CCDC30: variants seen among roughly 807,000 people sequenced by gnomAD.
The protein encoded by CCDC30 is coiled-coil domain-containing protein 30.
In CCDC30, 70 loss-of-function variants were observed where a neutral mutation model predicts 100.2. The observed-to-expected ratio is 0.70, with a 90% CI of 0.58 to 0.85. The LOEUF (loss-of-function observed/expected upper bound fraction) is 0.85. Ranked by LOEUF, CCDC30 falls within the 40% of genes least tolerant of loss-of-function variation. The pLI is 0.00. For synonymous variants in CCDC30, 233 were observed against 269.5 expected, an observed-to-expected ratio of 0.86 and a Z score of 1.33; for missense variants, 652 against 771.2, an observed-to-expected ratio of 0.85 and a Z score of 1.83.
chr1:42,509,712 C>T (rs1002564350), intron 6 of CCDC30, among the ~76,000 whole-genome samples: 8 of 152,130 alleles, frequency 5.3e-5, no homozygotes, highest in Non-Finnish European at 7.3e-5. Context: ...TTAACAGAAT[C>T]ATGCAGAAAG....
At chr1:42,506,235 G>C (rs185510397) in intron 6 of CCDC30, among the ~76,000 whole-genome samples, 5 of 152,326 alleles carry the variant, frequency 3.3e-5, no homozygotes, top group African/African-American at 9.6e-5. Context: ...TTTTAGTGTA[G>C]TTCATGCAGT....
chr1:42,607,778 G>A (rs1646532864), intron 10 of CCDC30, among the ~76,000 whole-genome samples: 1 of 152,190 alleles, frequency 6.6e-6, no homozygotes, highest in Admixed American at 6.6e-5. Flanking sequence ...GTAAACACCA[G>A]CTGTCAGTCA....
intron 10 of CCDC30, among the ~76,000 whole-genome samples, chr1:42,599,312 T>C (rs1408414): frequency 0.71 from 108,415 of 152,068 alleles, 39,759 homozygotes; most frequent in African/African-American, 0.89. Flanking sequence ...AAGGTACTCA[T>C]ACTACCTGTG....
intron 10 of CCDC30, among the ~76,000 whole-genome samples, chr1:42,608,657 A>T (rs1025288869): frequency 2.7e-5 from 4 of 146,466 alleles, no homozygotes; most frequent in Non-Finnish European, 4.5e-5. Context: ...GTGAGCCGAG[A>T]TCGCGCCACT....
chr1:42,613,990 A>G (rs1301011587), intron 11 of CCDC30, among the ~76,000 whole-genome samples: 2 of 152,096 alleles, frequency 1.3e-5, no homozygotes, highest in African/African-American at 4.8e-5. Flanking sequence ...TGCCTTCATT[A>G]TATAAGAGTA....
intron 6 of CCDC30, among the ~76,000 whole-genome samples, chr1:42,508,979 A>C (rs1335599655): frequency 6.6e-6 from 1 of 152,224 alleles, no homozygotes; most frequent in East Asian, 1.9e-4. Flanking sequence ...AGCCACACCT[A>C]GCAGTTAAGT....
the CCDC30 span, chr1:42,457,209 C>G: frequency 6.2e-7 from 1 of 1,612,890 alleles, no homozygotes; most frequent in Non-Finnish European, 8.5e-7. Flanking sequence ...TATATCGTAC[C>G]TCGCCGATTT....
chr1:42,464,369 A>C (rs990640253), intron 1 of CCDC30, among the ~76,000 whole-genome samples: 3 of 152,240 alleles, frequency 2.0e-5, no homozygotes, highest in African/African-American at 4.8e-5. Flanking sequence ...TATCAATGTG[A>C]AAAGGGCATT....
chr1:42,485,845 C>T (rs79712355), intron 3 of CCDC30, among the ~76,000 whole-genome samples: 1,842 of 152,162 alleles, frequency 0.012, 31 homozygotes, highest in African/African-American at 0.041. Flanking sequence ...CATTGTACCC[C>T]ATAAACATAT....
chr1:42,562,621 C>T (rs778535416), intron 6 of CCDC30, among the ~76,000 whole-genome samples: 1 of 152,102 alleles, frequency 6.6e-6, no homozygotes, highest in Admixed American at 6.6e-5. Flanking sequence ...TCTAATTAAA[C>T]TAAAGAGCTT....
chr1:42,530,793 C>T (rs558257751), intron 6 of CCDC30, among the ~76,000 whole-genome samples: 1 of 152,072 alleles, frequency 6.6e-6, no homozygotes, highest in South Asian at 2.1e-4. Flanking sequence ...ATATGAGGGA[C>T]TTGAGCATCC....
intron 7 of CCDC30, among the ~76,000 whole-genome samples, chr1:42,575,413 G>C (rs555652600): frequency 1.3e-5 from 2 of 152,034 alleles, no homozygotes; most frequent in East Asian, 3.9e-4. Flanking sequence ...ACTTTGGGAG[G>C]CCGAGGCGGG....
intron 4 of CCDC30, among the ~76,000 whole-genome samples, chr1:42,495,876 CAGTTAACAAATA>C (rs535154435): frequency 1.2e-3 from 179 of 152,026 alleles, no homozygotes; most frequent in Non-Finnish European, 2.1e-3. Flanking sequence ...TTTAAGTGGC[CAGTTAACAAATA>C]AGTACAGAGA....
intron 6 of CCDC30, among the ~76,000 whole-genome samples, chr1:42,546,399 A>AAAATATAT (rs1645138466): frequency 8.4e-5 from 1 of 11,970 alleles, no homozygotes; most frequent in African/African-American, 2.0e-4. Context: ...AAAAAAAAAA[A>AAAATATAT]ATATATATAT....
intron 6 of CCDC30, among the ~76,000 whole-genome samples, chr1:42,515,472 T>C (rs1644541120): frequency 6.6e-6 from 1 of 152,206 alleles, no homozygotes. Flanking sequence ...GGCATTAGCA[T>C]TTTTGTAAAA....
At chr1:42,656,359 G>A (rs1044388412), downstream of CCDC30, among the ~76,000 whole-genome samples, 4 of 152,164 alleles carry the variant, frequency 2.6e-5, no homozygotes, top group Admixed American at 1.3e-4. Context: ...GACCAGGTGC[G>A]GTGGCTCACG....
At chr1:42,611,346 C>G in intron 11 of CCDC30, among the ~76,000 whole-genome samples, 1 of 152,040 alleles carries the variant, frequency 6.6e-6, no homozygotes, top group Non-Finnish European at 1.5e-5. Context: ...CTTGTTTTTC[C>G]CCAAATACAC....
At chr1:42,653,326 T>A in intron 15 of CCDC30, 50 bp from the exon 20 acceptor site, 1 of 1,093,780 alleles carries the variant, frequency 9.1e-7, no homozygotes, top group Non-Finnish European at 1.4e-6. Context: ...ATCATATAGC[T>A]AATGGTTTAT....
At chr1:42,546,399 A>AAT (rs66804938) in intron 6 of CCDC30, among the ~76,000 whole-genome samples, 73 of 11,958 alleles carry the variant, frequency 6.1e-3, no homozygotes, top group African/African-American at 0.014. Context: ...AAAAAAAAAA[A>AAT]ATATATATAT....
Sources: gnomAD v4.1 joint callset for allele counts (sites outside exome capture counted in the v4.1 genomes callset) on GRCh38, gnomAD v4.1.1 for gene constraint, MANE v1.5 for transcripts, NCBI Gene and HGNC (gene_info 2026-07-23, HGNC 2026-07-21) for gene names.